KLHDC7A: variants seen among roughly 807,000 people sequenced by gnomAD.
KLHDC7A encodes kelch domain containing 7A.
For synonymous variants in KLHDC7A, 464 were observed against 461.0 expected, an observed-to-expected ratio of 1.01 and a Z score of -0.08; for missense variants, 1,123 against 1,052.6, an observed-to-expected ratio of 1.07 and a Z score of -0.93.
In KLHDC7A at chr1:18,483,224, A is replaced by AG; in HGVS notation, c.2245dup (p.Glu749GlyfsTer79). 1 of 1,613,996 alleles carries AG rather than the reference A, an allele frequency of 6.2e-7. No individual in the cohort carries two copies. The highest frequency in any genetic ancestry group is 1.1e-5 in the South Asian group (1 of 91,078). ...TCTGTCTCACCCAGGTTTGTGCCCA[A>AG]GGAGCTGCGGAGTTTCCCGGCCCCG... On this transcript the variant is annotated frameshift_variant, in exon 1 of 1. Transcript: ENST00000400664. LOFTEE classifies it low-confidence loss of function (END_TRUNC).
chr1:18,485,941 T>A lies in KLHDC7A; in HGVS notation c.*2626T>A, dbSNP rs2086929910. 1.2e-5 allele frequency: 2 copies of A among 164,626 alleles called. No homozygotes were observed. Among genetic ancestry groups the A allele is most frequent in the African/African-American group, 4.9e-5 (2 of 40,494 alleles). The allele number at this position is 164,626 out of a possible 1,614,324, so 10.2% of individuals were successfully genotyped here. A position where few individuals can be genotyped will look rare whatever the true frequency, so the allele number is the denominator to read the frequency against. ...TGCTCTGTTTTAAACATTAAAAGTA[T>A]ACAAGTTGCTTTGTTACAATAAAAC... is the stretch of plus-strand genomic sequence containing the variant. On this transcript the variant is annotated 3_prime_UTR_variant, in exon 1 of 1. Transcript: ENST00000400664.
rs373572249 is a variant in KLHDC7A at position 18,482,043 on chromosome 1, G to A, written c.1062G>A (p.Trp354Ter). ...CCGCCTCCCCGCAGACAGGGCCGTG[G>A]CCCTCCACCCGAGGCTTCAGCCGGA... is the stretch of plus-strand genomic sequence containing the variant. The part of the protein sequence containing the change: ...ERAASPQTGP[W>*]PSTRGFSRKE... Residue 354 changes from tryptophan (W) to a stop codon, truncating the protein, a stop_gained, in exon 1 of 1, where the codon TGG becomes TGA. Coordinates refer to ENST00000400664, the MANE Select transcript of KLHDC7A (RefSeq NM_152375.3). LOFTEE classifies it low-confidence loss of function (END_TRUNC). The A allele has an allele frequency of 6.2e-7, 1 of 1,612,646 alleles. No homozygotes were observed. The highest frequency in any genetic ancestry group is 1.1e-5 in the South Asian group (1 of 91,052).
rs755609482 is a variant in KLHDC7A at position 18,481,538 on chromosome 1, C to T, written c.557C>T (p.Ser186Phe). 4 of 1,613,310 alleles carry T rather than the reference C, an allele frequency of 2.5e-6. No homozygotes were observed. Among genetic ancestry groups the T allele is most frequent in the Admixed American group, 1.7e-5 (1 of 60,018 alleles). ...ADGSCAGGEP[S>F]PWQDSKPREH... ...GGCAGCTGTGCCGGTGGTGAGCCTT[C>T]TCCATGGCAGGACAGTAAACCCCGT... is the stretch of plus-strand genomic sequence containing the variant. Residue 186 changes from serine (S) to phenylalanine (F), a missense_variant, in exon 1 of 1, where the codon TCT becomes TTT. Coordinates refer to ENST00000400664, the MANE Select transcript of KLHDC7A (RefSeq NM_152375.3).
In KLHDC7A at chr1:18,481,442, ACCCTC is replaced by A. The variant is rs768351381; in HGVS notation, c.465_469del (p.Pro156PhefsTer27). On this transcript the variant is annotated frameshift_variant, in exon 1 of 1. Transcript: ENST00000400664. LOFTEE classifies it low-confidence loss of function (END_TRUNC). Reference sequence around the variant, plus strand: ...AGAACAGCTGTTGGCAGTAACCCTGACCCTCCCCATTTCCCCCGCTTGGGCAGCGA... The same window carrying A: ...AGAACAGCTGTTGGCAGTAACCCTGACCCATTTCCCCCGCTTGGGCAGCGA... 6.2e-7 allele frequency: 1 copy of A among 1,613,214 alleles called. No homozygotes were observed. The highest frequency in any genetic ancestry group is 2.2e-5 in the East Asian group (1 of 44,842).
Position 18,482,108 on chromosome 1 carries a change from A to T in KLHDC7A, c.1127A>T (p.Gln376Leu). 6.2e-7 allele frequency: 1 copy of T among 1,611,954 alleles called. No homozygotes were observed. The highest frequency in any genetic ancestry group is 1.1e-5 in the South Asian group (1 of 91,034). The change falls in exon 1 of 1, where the codon CAG (glutamine) becomes CTG (leucine). Residue 376 changes from glutamine to leucine, a missense_variant. By Grantham distance (113) the Gln-to-Leu change is moderately radical. Transcript: ENST00000400664. ...CAGATAGCGGAGAACCCAGAGCTGC[A>T]GCTGCAGCCAGATGGCTTCCGGCTC... The part of the protein sequence containing the change: ...LLQIAENPEL[Q>L]LQPDGFRLPA...
Position 18,483,335 on chromosome 1 carries a change from C to T in KLHDC7A, c.*20C>T, listed in dbSNP as rs776886061. ...GTCTAGCAGTCCCTCAACTGAGCTC[C>T]TCATGCAAAGCTGGGGGCCACCGGG... On this transcript the variant is annotated 3_prime_UTR_variant, in exon 1 of 1. Transcript: ENST00000400664. 1 of 1,599,310 alleles carries T rather than the reference C, an allele frequency of 6.3e-7. No individual in the cohort carries two copies. The highest frequency in any genetic ancestry group is 8.5e-7 in the Non-Finnish European group (1 of 1,170,722).
chr1:18,483,351 G>T lies in KLHDC7A; in HGVS notation c.*36G>T, dbSNP rs377208447. 6.9e-6 allele frequency: 11 copies of T among 1,585,540 alleles called. No homozygotes were observed. The highest frequency in any genetic ancestry group is 8.6e-6 in the Non-Finnish European group (10 of 1,163,666). ...ACTGAGCTCCTCATGCAAAGCTGGGGGCCACCGGGCTCCACTGCCAGCCGT... is the reference window on the plus strand; with the variant it reads ...ACTGAGCTCCTCATGCAAAGCTGGGTGCCACCGGGCTCCACTGCCAGCCGT... On this transcript the variant is annotated 3_prime_UTR_variant, in exon 1 of 1. Transcript: ENST00000400664.
chr1:18,481,764 C>G lies in KLHDC7A; in HGVS notation c.783C>G (p.Thr261=). ...QQEGAPNSSY[T]FSSIARVRME... ...AGGGCGCCCCCAACTCCTCCTATAC[C>G]TTCTCATCCATAGCCCGCGTCCGAA... Residue 261 remains threonine, a synonymous_variant, in exon 1 of 1, where the codon ACC becomes ACG. Transcript: ENST00000400664. 6.2e-7 allele frequency: 1 copy of G among 1,614,076 alleles called. No homozygotes were observed. Among genetic ancestry groups the G allele is most frequent in the South Asian group, 1.1e-5 (1 of 91,076 alleles).
Position 18,481,041 on chromosome 1 carries a change from G to T in KLHDC7A, c.60G>T (p.Lys20Asn). The change falls in exon 1 of 1, where the codon AAG becomes AAT. Residue 20 changes from lysine to asparagine, a missense_variant. Coordinates refer to ENST00000400664, the MANE Select transcript of KLHDC7A (RefSeq NM_152375.3). ...DWHLDMQLTG[K>N]VVLSAAALLL... ...ATTTGGATATGCAGCTGACCGGCAA[G>T]GTGGTGCTGTCAGCCGCTGCCCTGC... 1 of 1,613,304 alleles carries T rather than the reference G, an allele frequency of 6.2e-7. No individual in the cohort carries two copies. The highest frequency in any genetic ancestry group is 8.5e-7 in the Non-Finnish European group (1 of 1,179,580).
At position 18,482,398 on chromosome 1, in the gene KLHDC7A, G is replaced by T. The variant is rs907791026; in HGVS notation, c.1417G>T (p.Gly473Trp). 4 of 1,606,494 alleles carry T rather than the reference G, an allele frequency of 2.5e-6. No individual in the cohort carries two copies. The highest frequency in any genetic ancestry group is 1.3e-5 in the African/African-American group (1 of 74,948). The change falls in exon 1 of 1, where the codon GGG (glycine) becomes TGG (tryptophan). Residue 473 changes from glycine to tryptophan, a missense_variant. Gly to Trp is a radical substitution (Grantham distance 184, BLOSUM62 -2). Coordinates refer to ENST00000400664, the MANE Select transcript of KLHDC7A (RefSeq NM_152375.3). ...GGTGCTGCGCAGCCCGGACATCTAC[G>T]GGTGCCTGAGCGGGGCAGAGCGCGA... The part of the protein sequence containing the change: ...LQVLRSPDIY[G>W]CLSGAERELI...
chr1:18,483,207 A>T lies in KLHDC7A; in HGVS notation c.2226A>T (p.Ser742=). ...TCTGCTTCCTAGCAGACTCTGTCTCACCCAGGTTTGTGCCCAAGGAGCTGC... is the reference window on the plus strand; with the variant it reads ...TCTGCTTCCTAGCAGACTCTGTCTCTCCCAGGTTTGTGCCCAAGGAGCTGC... The part of the protein sequence containing the change: ...STLCFLADSV[S]PRFVPKELRS... The change falls in exon 1 of 1, where the codon TCA becomes TCT. Residue 742 remains serine (S), a synonymous_variant. Transcript: ENST00000400664. The T allele has an allele frequency of 6.2e-7, 1 of 1,613,954 alleles. No homozygotes were observed. Among genetic ancestry groups the T allele is most frequent in the South Asian group, 1.1e-5 (1 of 91,078 alleles).
In KLHDC7A at chr1:18,481,373, CG is replaced by C. The variant is rs1335046926; in HGVS notation, c.394del (p.Asp132ThrfsTer71). 1.9e-6 allele frequency: 3 copies of C among 1,610,432 alleles called. No individual in the cohort carries two copies. In the African/African-American group the frequency reaches 4.0e-5, roughly 22 times the overall value. The part of the protein sequence containing the change: ...GSGEERGGQG[S>X]DSEQVPPCCP... ...GGTGAGGAGCGGGGCGGGCAGGGCT[CG>C]GACTCTGAGCAGGTGCCTCCTTGCT... On this transcript the variant is annotated frameshift_variant, in exon 1 of 1. Coordinates refer to ENST00000400664, the MANE Select transcript of KLHDC7A (RefSeq NM_152375.3). LOFTEE classifies it low-confidence loss of function (END_TRUNC).
rs1246909244 is a variant in KLHDC7A at position 18,482,412 on chromosome 1, G to A, written c.1431G>A (p.Gly477=). The A allele has an allele frequency of 6.2e-7, 1 of 1,607,718 alleles. No homozygotes were observed. Among genetic ancestry groups the A allele is most frequent in the African/African-American group, 1.3e-5 (1 of 74,948 alleles). Residue 477 remains glycine (G), a synonymous_variant, in exon 1 of 1, where the codon GGG becomes GGA. Transcript: ENST00000400664. ...RSPDIYGCLS[G]AERELILQRR... ...CGGACATCTACGGGTGCCTGAGCGG[G>A]GCAGAGCGCGAGCTGATCCTGCAGC...
Position 18,483,138 on chromosome 1 carries a change from C to G in KLHDC7A, c.2157C>G (p.Ala719=), listed in dbSNP as rs771007090. The change falls in exon 1 of 1, where the codon GCC becomes GCG. Residue 719 remains alanine (A), a synonymous_variant. Coordinates refer to ENST00000400664, the MANE Select transcript of KLHDC7A (RefSeq NM_152375.3). ...RTPYPDAFQC[A]VVDNLIYCVG... ...CTTACCCGGATGCCTTCCAGTGCGC[C>G]GTGGTGGACAACCTCATCTACTGCG... The G allele has an allele frequency of 5.0e-6, 8 of 1,613,924 alleles. No individual in the cohort carries two copies. The highest frequency in any genetic ancestry group is 1.7e-5 in the Admixed American group (1 of 60,012).
chr1:18,481,559 C>T lies in KLHDC7A; in HGVS notation c.578C>T (p.Pro193Leu), dbSNP rs866590959. 6.2e-7 allele frequency: 1 copy of T among 1,613,492 alleles called. No homozygotes were observed. The change falls in exon 1 of 1, where the codon CCC becomes CTC. Residue 193 changes from proline (P) to leucine (L), a missense_variant. Pro to Leu is a moderately conservative substitution (Grantham distance 98). Transcript: ENST00000400664. ...CCTTCTCCATGGCAGGACAGTAAAC[C>T]CCGTGAGCATCCAGGACTGGGGCAA... ...GEPSPWQDSK[P>L]REHPGLGQLE...
Position 18,483,727 on chromosome 1 carries a change from C to T in KLHDC7A, c.*412C>T, listed in dbSNP as rs575447986. 33 of 1,196,338 alleles carry T rather than the reference C, an allele frequency of 2.8e-5. No homozygotes were observed. The highest frequency in any genetic ancestry group is 3.5e-5 in the Non-Finnish European group (33 of 940,064). 74.1% of individuals were successfully genotyped at this position (1,196,338 alleles called of 1,614,324 possible). On this transcript the variant is annotated 3_prime_UTR_variant, in exon 1 of 1. Coordinates refer to ENST00000400664, the MANE Select transcript of KLHDC7A (RefSeq NM_152375.3). ...TAGTTGCTCTGGAGAGGGGTTGGCT[C>T]TCTGAGCCATCAGTGCCCCTTCCTA...
rs546161308 is a variant in KLHDC7A at position 18,484,152 on chromosome 1, C to T, written c.*837C>T. 1.6e-5 allele frequency: 12 copies of T among 763,822 alleles called. No individual in the cohort carries two copies. Among genetic ancestry groups the T allele is most frequent in the Admixed American group, 2.5e-5 (1 of 40,622 alleles). 47.3% of individuals were successfully genotyped at this position (763,822 alleles called of 1,614,324 possible). ...TTGCACTCATTCTCAGATCTGTAGC[C>T]GTCTTCCTGTCTGGAAGCTGGGGCA... On this transcript the variant is annotated 3_prime_UTR_variant, in exon 1 of 1. Transcript: ENST00000400664.
Position 18,481,508 on chromosome 1 carries a change from CCGA to C in KLHDC7A, c.530_532del (p.Asp177del), listed in dbSNP as rs773984405. 1 of 1,613,392 alleles carries C rather than the reference CCGA, an allele frequency of 6.2e-7. No homozygotes were observed. Among genetic ancestry groups the C allele is most frequent in the East Asian group, 2.2e-5 (1 of 44,870 alleles). ...TCCCCAGCTGGACTCATTGCAGCAG[CCGA>C]CGGCAGCTGTGCCGGTGGTGAGCCT... On this transcript the variant is annotated inframe_deletion, in exon 1 of 1. Transcript: ENST00000400664.
chr1:18,483,090 C>T lies in KLHDC7A; in HGVS notation c.2109C>T (p.Tyr703=). The T allele has an allele frequency of 6.2e-7, 1 of 1,613,816 alleles. No individual in the cohort carries two copies. Among genetic ancestry groups the T allele is most frequent in the Non-Finnish European group, 8.5e-7 (1 of 1,180,012 alleles). ...YRCSASTRLW[Y]ECATYRTPYP... ...GCAGCGCCAGCACCCGGCTCTGGTA[C>T]GAGTGCGCCACGTACCGGACGCCTT... Residue 703 remains tyrosine (Y), a synonymous_variant, in exon 1 of 1, where the codon TAC becomes TAT. Transcript: ENST00000400664.
Sources: gnomAD v4.1 joint callset for allele counts on GRCh38, gnomAD v4.1.1 for gene constraint, MANE v1.5 for transcripts, NCBI Gene and HGNC (gene_info 2026-07-23, HGNC 2026-07-21) for gene names.